The following GLB1 variants were observed in gnomAD, a reference collection of about 807,000 sequenced individuals.
GLB1 encodes beta-galactosidase.
Under a neutral mutation model 74.0 loss-of-function variants are expected in GLB1, and 56 were observed. The observed-to-expected ratio is 0.76, with a 90% CI of 0.61 to 0.94. GLB1 has a LOEUF of 0.94. Ranked by LOEUF, GLB1 falls within the 40% of genes least tolerant of loss-of-function variation. The pLI is 0.00. For synonymous variants in GLB1, 323 were observed against 323.6 expected (o/e 1.00, Z 0.02); for missense variants, 787 against 845.5 (o/e 0.93, Z 0.86).
At position 33,096,039 on chromosome 3, in the gene GLB1, C is replaced by A. The variant is rs573243591; in HGVS notation, c.75+972G>T. On this transcript the variant is annotated intron_variant, in intron 1 of 15. Coordinates refer to ENST00000307363, the MANE Select transcript of GLB1 (RefSeq NM_000404.4). Reference sequence around the variant, plus strand: ...GATAAATGTACCACTTTTCTCTGCCCTAGGCACGTTATTGAAAGCGTTATT... The same window carrying A: ...GATAAATGTACCACTTTTCTCTGCCATAGGCACGTTATTGAAAGCGTTATT... 2.6e-5 allele frequency among the ~76,000 whole-genome samples: 4 copies of A among 152,332 alleles called. No individual in the cohort carries two copies. In the East Asian group the frequency reaches 7.7e-4, roughly 29 times the overall value.
At chr3:32,969,929 G>A in the GLB1 span, among the ~76,000 whole-genome samples, 750 of 152,346 alleles carry the variant, frequency 4.9e-3, 4 homozygotes, top group African/African-American at 0.017. Flanking sequence ...GCCATGCCCT[G>A]TGAAAAACTG....
At chr3:33,026,396 C>T (rs550528127) in intron 10 of GLB1, among the ~76,000 whole-genome samples, 54 of 152,284 alleles carry the variant, frequency 3.5e-4, no homozygotes, top group African/African-American at 1.2e-3. Context: ...GGAGGGAGGC[C>T]GAGGGGGTGC....
chr3:33,031,607 G>C (rs1488518452), intron 10 of GLB1, among the ~76,000 whole-genome samples: 4 of 49,172 alleles, frequency 8.1e-5, no homozygotes, highest in African/African-American at 4.1e-4. Flanking sequence ...GCAAGGCTCT[G>C]TCTCAAAAAA....
At chr3:33,087,580 C>T (rs1700562959) in intron 1 of GLB1, among the ~76,000 whole-genome samples, 1 of 564 alleles carries the variant, frequency 1.8e-3, no homozygotes, top group Non-Finnish European at 6.6e-3. Context: ...AGCATGCGCG[C>T]ACACACACAC....
At chr3:33,067,004 T>TTTC in intron 4 of GLB1, among the ~76,000 whole-genome samples, 1 of 147,528 alleles carries the variant, frequency 6.8e-6, no homozygotes, top group African/African-American at 2.5e-5. Context: ...TTTTATTTCT[T>TTTC]TTTTTTTTTT....
the GLB1 span, among the ~76,000 whole-genome samples, chr3:32,971,568 C>A: frequency 6.6e-6 from 1 of 152,214 alleles, no homozygotes; most frequent in Non-Finnish European, 1.5e-5. Flanking sequence ...CTTCGCCTAA[C>A]CTTGCCGGTA....
chr3:33,084,722 AAATT>A (rs1017426751), intron 1 of GLB1, among the ~76,000 whole-genome samples: 4 of 152,186 alleles, frequency 2.6e-5, no homozygotes, highest in African/African-American at 9.6e-5. Context: ...AAAAAAATAA[AAATT>A]AAATTAAAAA....
At chr3:32,972,654 G>A in the GLB1 span, among the ~76,000 whole-genome samples, 3 of 152,218 alleles carry the variant, frequency 2.0e-5, no homozygotes, top group Non-Finnish European at 4.4e-5. Flanking sequence ...ATCAGCCACT[G>A]CTGTTTAGAA....
intron 15 of GLB1, among the ~76,000 whole-genome samples, chr3:32,998,108 T>G (rs1419912732): frequency 2.0e-5 from 3 of 152,206 alleles, no homozygotes; most frequent in African/African-American, 7.2e-5. Flanking sequence ...TTTCTGTGAG[T>G]AGGGGAAGCT....
intron 1 of GLB1, among the ~76,000 whole-genome samples, chr3:33,095,917 G>A (rs1290600693): frequency 2.0e-5 from 3 of 152,224 alleles, no homozygotes; most frequent in Non-Finnish European, 4.4e-5. Context: ...ACGGGGTGAA[G>A]AGGGAGCAGC....
At chr3:33,059,174 T>C (rs1159248252) in intron 5 of GLB1, among the ~76,000 whole-genome samples, 2 of 151,424 alleles carry the variant, frequency 1.3e-5, no homozygotes, top group Admixed American at 6.6e-5. Context: ...GTGAGGTGGG[T>C]AGCATCCCCA....
intron 15 of GLB1, among the ~76,000 whole-genome samples, chr3:33,005,642 T>C (rs1213906868): frequency 6.6e-6 from 1 of 152,176 alleles, no homozygotes; most frequent in Non-Finnish European, 1.5e-5. Context: ...TACAGGTGCA[T>C]GCCACCAAGC....
rs201164962 is a variant in GLB1 at position 33,016,884 on chromosome 3, A to G, written c.1348-44T>C. On this transcript the variant is annotated intron_variant, in intron 13 of 15. Transcript: ENST00000307363. ...AATGACAATTGAATTGAGGGTAAGA[A>G]GGTCAGCAAGGAGAGGCAGCATGCT... is the stretch of plus-strand genomic sequence containing the variant. The G allele has an allele frequency of 1.7e-5, 28 of 1,608,848 alleles. No individual in the cohort carries two copies. The African/African-American group carries it at 3.3e-4, about 19-fold the overall frequency.
At chr3:33,017,000 A>G (rs762186709) in intron 13 of GLB1, among the ~76,000 whole-genome samples, 160 bp from the exon 14 acceptor site, 1 of 152,232 alleles carries the variant, frequency 6.6e-6, no homozygotes, top group Non-Finnish European at 1.5e-5. Context: ...GTTACCGGCC[A>G]GGTCGGAAAG....
chr3:33,068,099 C>G (rs565526922), intron 4 of GLB1, 131 bp downstream of exon 4: 2 of 1,332,510 alleles, frequency 1.5e-6, no homozygotes, highest in East Asian at 2.3e-5. Context: ...TTTGGCCAGC[C>G]TGGTCTCGAA....
chr3:33,063,833 G>T (rs570488788), intron 5 of GLB1, among the ~76,000 whole-genome samples: 1 of 152,076 alleles, frequency 6.6e-6, no homozygotes, highest in African/African-American at 2.4e-5. Context: ...CTAGGGGCAC[G>T]TGGGGTGACT....
chr3:33,076,279 A>C (rs918503076), intron 1 of GLB1, among the ~76,000 whole-genome samples: 1 of 152,194 alleles, frequency 6.6e-6, no homozygotes. Context: ...GGAGGGCAGG[A>C]CTACAGGCCA....
intron 12 of GLB1, among the ~76,000 whole-genome samples, chr3:33,019,261 C>T (rs190428564): frequency 3.7e-4 from 57 of 152,322 alleles, no homozygotes; most frequent in Non-Finnish European, 1.0e-4. Context: ...TTTTTAGATG[C>T]TGACATCCCT....
chr3:32,988,394 G>A, the GLB1 span, among the ~76,000 whole-genome samples: 1 of 152,284 alleles, frequency 6.6e-6, no homozygotes, highest in South Asian at 2.1e-4. Flanking sequence ...AGGAGGGACT[G>A]AAAGTTCAGT....
Sources: gnomAD v4.1 joint callset for allele counts (sites outside exome capture counted in the v4.1 genomes callset) on GRCh38, gnomAD v4.1.1 for gene constraint, MANE v1.5 for transcripts, NCBI Gene and HGNC (gene_info 2026-07-23, HGNC 2026-07-21) for gene names.